Variants in OCLN observed in about 807,000 individuals in gnomAD.
OCLN encodes phosphatase 1, regulatory subunit 115.
Under a neutral mutation model 47.9 loss-of-function variants are expected in OCLN, and 21 were observed. That is an observed-to-expected ratio of 0.44 (90% CI 0.31 to 0.63). OCLN has a LOEUF of 0.63. OCLN is among the 30% of genes least tolerant of loss of function. OCLN has a pLI of 0.08. For synonymous variants in OCLN, 117 were observed against 198.4 expected (o/e 0.59, Z 3.45); for missense variants, 360 against 571.0 (o/e 0.63, Z 3.77).
intron 4 of OCLN, among the ~76,000 whole-genome samples, chr5:69,532,739 G>A (rs1387804043): frequency 6.6e-6 from 1 of 152,004 alleles, no homozygotes; most frequent in Non-Finnish European, 1.5e-5. Context: ...AGGCCGAGGT[G>A]GGTGGATCAT....
rs377288243 is a variant in OCLN, at chr5:69,509,754, C to A, written c.664C>A (p.Pro222Thr). The part of the protein sequence containing the change: ...IYALCNQFYT[P>T]AATGLYVDQY... ...TGCCCTCTGCAACCAATTTTATACA[C>A]CTGCAGCTACTGGACTCTACGTGGA... Residue 222 changes from proline to threonine, a missense_variant, in exon 3 of 9, where the codon CCT becomes ACT. Transcript: ENST00000396442. 8.7e-6 allele frequency: 14 copies of A among 1,613,978 alleles called. No individual in the cohort carries two copies. Among genetic ancestry groups the A allele is most frequent in the African/African-American group, 1.3e-5 (1 of 74,932 alleles).
At chr5:69,530,038 C>T (rs975358371) in intron 4 of OCLN, among the ~76,000 whole-genome samples, 8 of 152,120 alleles carry the variant, frequency 5.3e-5, no homozygotes, top group Non-Finnish European at 2.9e-5. Flanking sequence ...CTGGTTTTCT[C>T]AAGTACTCAT....
intron 1 of OCLN, among the ~76,000 whole-genome samples, chr5:69,500,557 C>T (rs781435732): frequency 2.0e-5 from 3 of 152,014 alleles, no homozygotes; most frequent in African/African-American, 7.2e-5. Context: ...TGCACCACCA[C>T]GCCCCTCTAA....
intron 4 of OCLN, among the ~76,000 whole-genome samples, chr5:69,516,912 T>C (rs1024323837): frequency 2.6e-5 from 4 of 151,772 alleles, no homozygotes; most frequent in Non-Finnish European, 4.4e-5. Context: ...AAAAAAAAAT[T>C]AGCTGGGCAT....
chr5:69,504,209 T>A lies in OCLN; in HGVS notation c.-36T>A. 2 of 1,526,534 alleles carry A rather than the reference T, an allele frequency of 1.3e-6. No homozygotes were observed. Among genetic ancestry groups the A allele is most frequent in the Non-Finnish European group, 1.8e-6 (2 of 1,100,078 alleles). The allele number at this position is 1,526,534 out of a possible 1,614,324, so 94.6% of individuals were successfully genotyped here. On this transcript the variant is annotated 5_prime_UTR_variant, in exon 2 of 9. Transcript: ENST00000396442. ...TATCTTGGAAGCTAAAGGGCATTGC[T>A]CATCCTGAAGATCAGCTGACCATTG... is the stretch of plus-strand genomic sequence containing the variant.
intron 4 of OCLN, among the ~76,000 whole-genome samples, chr5:69,526,554 C>CCAGAGCTCTAGTAACTTATT (rs1769284944): frequency 6.6e-6 from 1 of 151,772 alleles, no homozygotes; most frequent in Non-Finnish European, 1.5e-5. Flanking sequence ...TCATCCCCTT[C>CCAGAGCTCTAGTAACTTATT]CAGAGCTCTA....
chr5:69,521,663 C>A (rs1359738940), intron 4 of OCLN, among the ~76,000 whole-genome samples: 3 of 152,140 alleles, frequency 2.0e-5, no homozygotes, highest in Non-Finnish European at 2.9e-5. Context: ...CAAGGGATTA[C>A]CAAGTTGCAT....
chr5:69,522,894 C>CGTTTTTTTTTTTT (rs1769178825), intron 4 of OCLN, among the ~76,000 whole-genome samples: 1 of 116,890 alleles, frequency 8.6e-6, no homozygotes, highest in Non-Finnish European at 1.7e-5. Context: ...GCCTGGCTGA[C>CGTTTTTTTTTTTT]TTTTTTTTTT....
At chr5:69,533,226 T>A (rs2112059552) in intron 4 of OCLN, among the ~76,000 whole-genome samples, 1 of 152,172 alleles carries the variant, frequency 6.6e-6, no homozygotes, top group Non-Finnish European at 1.5e-5. Context: ...GCCTTCCATG[T>A]TAATATTGAC....
intron 3 of OCLN, among the ~76,000 whole-genome samples, 199 bp downstream of exon 3, chr5:69,510,018 A>G (rs945454554): frequency 6.6e-5 from 10 of 152,240 alleles, no homozygotes; most frequent in African/African-American, 2.4e-4. Flanking sequence ...ATAACAGTTC[A>G]GTGGTTTTTA....
intron 4 of OCLN, among the ~76,000 whole-genome samples, chr5:69,526,545 C>T (rs1769284332): frequency 2.0e-5 from 1 of 49,502 alleles, no homozygotes; most frequent in Admixed American, 2.3e-4. Context: ...TTTTCTACCT[C>T]ATCCCCTTCC....
At chr5:69,510,720 C>T (rs1284049492) in intron 3 of OCLN, among the ~76,000 whole-genome samples, 6 of 152,136 alleles carry the variant, frequency 3.9e-5, no homozygotes, top group African/African-American at 4.8e-5. Context: ...TTCTTGTATA[C>T]GTTTTTGTGT....
At position 69,509,272 on chromosome 5, in the gene OCLN, C is replaced by T. The variant is rs1768699798; in HGVS notation, c.182C>T (p.Pro61Leu). 1 of 1,614,210 alleles carries T rather than the reference C, an allele frequency of 6.2e-7. No homozygotes were observed. Among genetic ancestry groups the T allele is most frequent in the Non-Finnish European group, 8.5e-7 (1 of 1,180,034 alleles). Residue 61 changes from proline to leucine, a missense_variant, in exon 3 of 9, where the codon CCT becomes CTT. By Grantham distance (98) the Pro-to-Leu change is moderately conservative (BLOSUM62 -3). This residue lies in a region of OCLN where 314 missense variants were observed against 368.1 expected (regional missense o/e 0.85). Coordinates refer to ENST00000396442, the MANE Select transcript of OCLN (RefSeq NM_001205254.2). ...EILHFYKWTSPPGVIRILSML... is the reference protein window; with the variant it reads ...EILHFYKWTSLPGVIRILSML... ...CTTCACTTCTACAAATGGACCTCTC[C>T]TCCAGGAGTGATTCGGATCCTGTCT...
intron 4 of OCLN, among the ~76,000 whole-genome samples, chr5:69,521,284 C>T (rs1200652487): frequency 6.6e-6 from 1 of 152,198 alleles, no homozygotes; most frequent in Non-Finnish European, 1.5e-5. Flanking sequence ...TTGCTCTTGG[C>T]AGCTGGGTGG....
chr5:69,538,048 AT>A (rs1769638054), intron 5 of OCLN, among the ~76,000 whole-genome samples: 4 of 137,074 alleles, frequency 2.9e-5, no homozygotes, highest in Middle Eastern at 3.6e-3. Flanking sequence ...CTAATAAAAA[AT>A]ATAGTGTAAA....
chr5:69,524,229 C>A (rs563922695), intron 4 of OCLN, among the ~76,000 whole-genome samples: 4 of 152,196 alleles, frequency 2.6e-5, no homozygotes, highest in Non-Finnish European at 5.9e-5. Context: ...TTAGTCCATG[C>A]ATAGCATTCC....
chr5:69,494,925 A>G (rs1165620536), intron 1 of OCLN, among the ~76,000 whole-genome samples: 1 of 152,170 alleles, frequency 6.6e-6, no homozygotes, highest in Non-Finnish European at 1.5e-5. Flanking sequence ...ATATTCCAGA[A>G]CCAGATTTGG....
At chr5:69,495,780 G>T (rs1768270964) in intron 1 of OCLN, among the ~76,000 whole-genome samples, 1 of 152,082 alleles carries the variant, frequency 6.6e-6, no homozygotes, top group African/African-American at 2.4e-5. Context: ...CAAGTTTTGT[G>T]TGATGGAGTG....
chr5:69,536,156 T>A (rs1462173123), intron 5 of OCLN, among the ~76,000 whole-genome samples: 1 of 152,172 alleles, frequency 6.6e-6, no homozygotes, highest in African/African-American at 2.4e-5. Context: ...GTACATCTTG[T>A]AAGGCACTTA....
Sources: allele counts gnomAD v4.1 joint callset (sites outside exome capture counted in the v4.1 genomes callset), GRCh38; gene constraint gnomAD v4.1.1; regional missense constraint gnomAD v4.1.1; transcripts MANE v1.5; gene names NCBI Gene and HGNC (gene_info 2026-07-23, HGNC 2026-07-21).